COG3: variants seen among roughly 807,000 people sequenced by gnomAD.
The protein encoded by COG3 is component of oligomeric golgi complex 3, also known as conserved oligomeric Golgi complex subunit 3.
A neutral mutation model predicts 114.1 loss-of-function variants in COG3; 32 were observed. The ratio of observed to expected loss-of-function variants is 0.28; its 90% CI spans 0.21 to 0.38. The LOEUF is 0.38. COG3 is among the 10% of genes least tolerant of loss of function. The pLI, the probability that COG3 is intolerant of heterozygous loss-of-function variation, is 1.00. For missense variants in COG3, 813 were observed against 973.2 expected (o/e 0.84, Z 2.19); for synonymous variants, 352 against 365.7 (o/e 0.96, Z 0.43).
At chr13:45,520,475 T>C (rs1283549854) in intron 19 of COG3, among the ~76,000 whole-genome samples, 3 of 152,186 alleles carry the variant, frequency 2.0e-5, no homozygotes, top group Non-Finnish European at 4.4e-5. Flanking sequence ...GATATATGTA[T>C]GAAATAACAA....
intron 1 of COG3, among the ~76,000 whole-genome samples, chr13:45,468,686 G>A (rs867855362): frequency 6.6e-6 from 1 of 152,152 alleles, no homozygotes; most frequent in Non-Finnish European, 1.5e-5. Flanking sequence ...CAAAGCTTGA[G>A]AATTTATTGT....
rs753783882 is a variant in COG3, at chr13:45,518,860, A to C, written c.2019+10A>C. 1 of 1,612,574 alleles carries C rather than the reference A, an allele frequency of 6.2e-7. No homozygotes were observed. ...AGAGTTCTTGTTGGAGGTGAGAAGGAGTCTGTTTCATTGGTGGTGGGAGAT... is the reference window on the plus strand; with the variant it reads ...AGAGTTCTTGTTGGAGGTGAGAAGGCGTCTGTTTCATTGGTGGTGGGAGAT... On this transcript the variant is annotated intron_variant, in intron 18 of 22. Coordinates refer to ENST00000349995, the MANE Select transcript of COG3 (RefSeq NM_031431.4).
At chr13:45,522,078 A>T (rs1536214) in intron 19 of COG3, among the ~76,000 whole-genome samples, 151,821 of 152,320 alleles carry the variant, frequency 1, 75,663 homozygotes, top group East Asian at 1. Context: ...GTGCTGAGAT[A>T]ACAGGCAGGA....
intron 8 of COG3, among the ~76,000 whole-genome samples, chr13:45,487,301 T>C (rs1184246269): frequency 2.6e-5 from 4 of 152,098 alleles, no homozygotes; most frequent in East Asian, 1.9e-4. Flanking sequence ...GAAGAAAACA[T>C]AGGGGAAATG....
intron 14 of COG3, among the ~76,000 whole-genome samples, chr13:45,507,237 C>T (rs578248862): frequency 4.6e-5 from 7 of 152,336 alleles, no homozygotes; most frequent in African/African-American, 1.7e-4. Context: ...GGATCCTGCA[C>T]ATACCATATT....
intron 15 of COG3, among the ~76,000 whole-genome samples, chr13:45,511,476 G>C (rs1294104243): frequency 6.6e-6 from 1 of 152,216 alleles, no homozygotes; most frequent in African/African-American, 2.4e-5. Flanking sequence ...CGTGAGGTCA[G>C]AACCATGCCT....
intron 15 of COG3, among the ~76,000 whole-genome samples, chr13:45,511,083 C>G (rs569511750): frequency 6.6e-6 from 1 of 151,932 alleles, no homozygotes; most frequent in Non-Finnish European, 1.5e-5. Context: ...GTCCAACCAC[C>G]ATGCCACACC....
chr13:45,485,240 C>A (rs1347711705), intron 7 of COG3, among the ~76,000 whole-genome samples: 3 of 101,230 alleles, frequency 3.0e-5, no homozygotes, highest in South Asian at 3.8e-4. Context: ...GCTGACCCCC[C>A]CCACCTCCCT....
At chr13:45,481,851 A>C (rs187366769) in intron 5 of COG3, among the ~76,000 whole-genome samples, 18 of 152,326 alleles carry the variant, frequency 1.2e-4, no homozygotes, top group African/African-American at 4.3e-4. Flanking sequence ...TATTAAAGAC[A>C]TAGAACTAAA....
At position 45,482,279 on chromosome 13, in the gene COG3, T is replaced by G. The variant is rs183341243; in HGVS notation, c.625-102T>G. ...ACTTTTAAAATTTATTATAAAGACA[T>G]GTTATGTCCTAAAGGCAAATATGCT... is the stretch of plus-strand genomic sequence containing the variant. On this transcript the variant is annotated intron_variant, in intron 5 of 22. Coordinates refer to ENST00000349995, the MANE Select transcript of COG3 (RefSeq NM_031431.4). 2.9e-4 allele frequency: 159 copies of G among 549,334 alleles called. 1 individual carries two copies. The South Asian group carries it at 3.0e-3, about 10-fold the overall frequency. 34.0% of individuals were successfully genotyped at this position (549,334 alleles called of 1,614,324 possible). A position where few individuals can be genotyped will look rare whatever the true frequency, so the allele number is the denominator to read the frequency against.
At chr13:45,510,795 T>C (rs1870773865) in intron 15 of COG3, among the ~76,000 whole-genome samples, 2 of 152,208 alleles carry the variant, frequency 1.3e-5, no homozygotes. Context: ...CAGTGTAAAA[T>C]ACGTTAAGGC....
chr13:45,527,763 A>C (rs1872817218), intron 20 of COG3, among the ~76,000 whole-genome samples: 1 of 152,194 alleles, frequency 6.6e-6, no homozygotes, highest in Non-Finnish European at 1.5e-5. Context: ...CTGAAGACCG[A>C]TTTAGTGATC....
rs143508208 is a variant in COG3, at chr13:45,534,716, G to A, written c.2472G>A (p.Leu824=). ...CPSMEQLSLL[L]LVSK is the part of the protein sequence containing the mutation. ...TTGCTTTTCAGCTGAGCCTTCTGCT[G>A]TTGGTTTCTAAATAAGCAGGCCAGC... Residue 824 remains leucine, a synonymous_variant, in exon 23 of 23, where the codon CTG becomes CTA. Coordinates refer to ENST00000349995, the MANE Select transcript of COG3 (RefSeq NM_031431.4). 1.3e-6 allele frequency: 2 copies of A among 1,566,998 alleles called. No homozygotes were observed. The highest frequency in any genetic ancestry group is 1.3e-5 in the African/African-American group (1 of 74,104).
rs111636988 is a variant in COG3, at chr13:45,482,527, G to C, written c.717+54G>C. ...AAGAAATCCTTAGATTCCTATTCCT[G>C]TTCCTATCTTTTTGTGTTTTTCAAC... On this transcript the variant is annotated intron_variant, in intron 6 of 22. Coordinates refer to ENST00000349995, the MANE Select transcript of COG3 (RefSeq NM_031431.4). The C allele has an allele frequency of 2.9e-4, 239 of 838,080 alleles. 9 individuals carry two copies. The South Asian group carries it at 3.3e-3, about 12-fold the overall frequency. 51.9% of individuals were successfully genotyped at this position (838,080 alleles called of 1,614,324 possible). A position where few individuals can be genotyped will look rare whatever the true frequency, so the allele number is the denominator to read the frequency against.
intron 8 of COG3, among the ~76,000 whole-genome samples, 185 bp from the exon 9 acceptor site, chr13:45,490,730 A>G (rs1195666191): frequency 6.8e-6 from 1 of 147,064 alleles, no homozygotes; most frequent in African/African-American, 2.7e-5. Context: ...CTGTGGATAT[A>G]AAAAAACTGA....
Position 45,515,954 on chromosome 13 carries a change from A to G in COG3, c.1810-189A>G, listed in dbSNP as rs1428586709. ...TTTAAAGTAGAGCAAGTGACAGTGC[A>G]AATAAGAGTTTGAAGCAAGATTTTT... On this transcript the variant is annotated intron_variant, in intron 16 of 22. Coordinates refer to ENST00000349995, the MANE Select transcript of COG3 (RefSeq NM_031431.4). Among the ~76,000 whole-genome samples, 5 of 152,236 alleles carry G rather than the reference A, an allele frequency of 3.3e-5. No individual in the cohort carries two copies. In the East Asian group the frequency reaches 9.6e-4, roughly 29 times the overall value.
intron 14 of COG3, among the ~76,000 whole-genome samples, chr13:45,508,068 TAAAAAAAAAAAAAAAA>T (rs10571583): frequency 1.6e-3 from 52 of 32,286 alleles, no homozygotes; most frequent in African/African-American, 5.2e-3. Flanking sequence ...AGGTCCAACC[TAAAAAAAAAAAAAAAA>T]AAAAAAAAAA....
chr13:45,535,710 A>G lies in COG3; in HGVS notation c.*979A>G, dbSNP rs1238833150. ...TGGATCTCTAGCCCAGCTACAGCAG[A>G]ATACATTTTACCAGCAAACCTAAGG... On this transcript the variant is annotated 3_prime_UTR_variant, in exon 23 of 23. Transcript: ENST00000349995. The G allele has an allele frequency of 1.0e-6, 1 of 979,294 alleles. No individual in the cohort carries two copies. Among genetic ancestry groups the G allele is most frequent in the East Asian group, 1.2e-4 (1 of 8,430 alleles). The allele number at this position is 979,294 out of a possible 1,614,324, so 60.7% of individuals were successfully genotyped here. A position where few individuals can be genotyped will look rare whatever the true frequency, so the allele number is the denominator to read the frequency against.
At chr13:45,491,662 A>G (rs2137829330) in intron 10 of COG3, 124 bp downstream of exon 10, 11 of 873,740 alleles carry the variant, frequency 1.3e-5, no homozygotes, top group Non-Finnish European at 1.7e-5. Flanking sequence ...CATGTTTTTC[A>G]TTATGACAAA....
Sources: gnomAD v4.1 joint callset for allele counts (sites outside exome capture counted in the v4.1 genomes callset) on GRCh38, gnomAD v4.1.1 for gene constraint, MANE v1.5 for transcripts, NCBI Gene and HGNC (gene_info 2026-07-23, HGNC 2026-07-21) for gene names.